Variants in GLIS3 observed in about 807,000 individuals in gnomAD.
GLIS3 encodes the protein GLIS family zinc finger 3.
A neutral mutation model predicts 78.6 loss-of-function variants in GLIS3; 53 were observed. That is an observed-to-expected ratio of 0.67 (90% confidence interval 0.54 to 0.85). The LOEUF (loss-of-function observed/expected upper bound fraction) is 0.85, where lower values mean the gene tolerates loss of function less well. Ranked by LOEUF, GLIS3 falls within the 40% of genes least tolerant of loss-of-function variation. The pLI is 0.00. For synonymous variants in GLIS3, 684 were observed against 509.9 expected (o/e 1.34, Z -4.60); for missense variants, 1,703 against 1,231.1 (o/e 1.38, Z -5.74).
intron 4 of GLIS3, among the ~76,000 whole-genome samples, chr9:4,025,458 G>A (rs1360663671): frequency 6.6e-6 from 1 of 151,888 alleles, no homozygotes; most frequent in Admixed American, 6.6e-5. Flanking sequence ...CGTGATCTTG[G>A]CTCACCGCAA....
At chr9:3,864,621 A>G (rs755651081) in intron 8 of GLIS3, among the ~76,000 whole-genome samples, 7 of 152,196 alleles carry the variant, frequency 4.6e-5, no homozygotes, top group Non-Finnish European at 7.4e-5. Flanking sequence ...TGGCCGGGTG[A>G]CGCTTCAGTC....
chr9:3,859,625 G>A (rs541352237), intron 8 of GLIS3, among the ~76,000 whole-genome samples: 9 of 152,186 alleles, frequency 5.9e-5, no homozygotes, highest in Admixed American at 2.0e-4. Flanking sequence ...CAGTTACAGC[G>A]TGTCCAAGAG....
chr9:4,352,923 G>A (rs144067574), upstream of GLIS3, among the ~76,000 whole-genome samples: 392 of 152,296 alleles, frequency 2.6e-3, no homozygotes, highest in Non-Finnish European at 4.1e-3. Flanking sequence ...TATACATTTA[G>A]TAGGTGTAAG....
chr9:4,273,757 A>G (rs1201005664), intron 2 of GLIS3, among the ~76,000 whole-genome samples: 3 of 152,204 alleles, frequency 2.0e-5, no homozygotes, highest in South Asian at 4.1e-4. Context: ...GTCAATCCAC[A>G]TAACTCGAAG....
chr9:4,035,041 A>C (rs1339542804), intron 4 of GLIS3: 1 of 152,184 alleles, frequency 6.6e-6, no homozygotes, highest in Non-Finnish European at 1.5e-5. Context: ...CTGATAGAAG[A>C]ACTGCAGATG....
intron 2 of GLIS3, among the ~76,000 whole-genome samples, chr9:4,244,811 G>A (rs193177627): frequency 8.5e-5 from 13 of 152,090 alleles, no homozygotes; most frequent in African/African-American, 3.1e-4. Context: ...CCTGGCCTTA[G>A]GTGATCCACC....
chr9:4,205,249 C>CCT (rs79332885), intron 2 of GLIS3, among the ~76,000 whole-genome samples: 2 of 151,102 alleles, frequency 1.3e-5, no homozygotes, highest in African/African-American at 2.4e-5. Flanking sequence ...TGCTCAAAAC[C>CCT]CTCTCTCTCT....
chr9:4,171,359 T>G (rs867330836), intron 2 of GLIS3, among the ~76,000 whole-genome samples: 1 of 152,180 alleles, frequency 6.6e-6, no homozygotes, highest in Non-Finnish European at 1.5e-5. Flanking sequence ...CCGTAGATAC[T>G]GCTTAGAGAG....
intron 4 of GLIS3, among the ~76,000 whole-genome samples, chr9:4,007,114 T>C (rs185850123): frequency 1.3e-5 from 2 of 152,262 alleles, no homozygotes; most frequent in East Asian, 1.9e-4. Flanking sequence ...AAAAGACTAA[T>C]AGGAGAGAAG....
intron 2 of GLIS3, among the ~76,000 whole-genome samples, chr9:4,174,044 A>C (rs1301629634): frequency 6.6e-6 from 1 of 152,166 alleles, no homozygotes; most frequent in Non-Finnish European, 1.5e-5. Context: ...CTCATGTTTC[A>C]ATATATTTAG....
the GLIS3 span, among the ~76,000 whole-genome samples, chr9:4,393,041 G>A: frequency 4.6e-5 from 7 of 152,096 alleles, no homozygotes; most frequent in Admixed American, 4.6e-4. Context: ...GAAAAAAAAT[G>A]ACTTGCATAA....
chr9:3,993,615 CACATATGCCT>C (rs1440939021), intron 4 of GLIS3, among the ~76,000 whole-genome samples: 1 of 152,092 alleles, frequency 6.6e-6, no homozygotes, highest in Non-Finnish European at 1.5e-5. Flanking sequence ...AATGAATGTC[CACATATGCCT>C]ACATATGCCA....
chr9:4,236,204 A>AAAAAAAAAAAAAAAAG (rs536737911), intron 2 of GLIS3, among the ~76,000 whole-genome samples: 41 of 86,374 alleles, frequency 4.7e-4, no homozygotes, highest in African/African-American at 6.9e-4. Context: ...AAAAAAAAAA[A>AAAAAAAAAAAAAAAAG]AAAGAAAGAA....
the GLIS3 span, among the ~76,000 whole-genome samples, chr9:4,423,713 G>C: frequency 6.6e-6 from 1 of 152,162 alleles, no homozygotes; most frequent in Non-Finnish European, 1.5e-5. Context: ...GCCATAAGGG[G>C]TACATGGAAT....
rs1478117338 is a variant in GLIS3 at position 4,125,795 on chromosome 9, T to C, written c.535A>G (p.Ser179Gly). The C allele has an allele frequency of 6.2e-7, 1 of 1,614,162 alleles. No individual in the cohort carries two copies. The change falls in exon 3 of 11, where the codon AGT becomes GGT. Residue 179 changes from serine to glycine, a missense_variant. By Grantham distance (56) the Ser-to-Gly change is moderately conservative (BLOSUM62 0). Transcript: ENST00000381971. ...SQVSTACNQI[S>G]PSLQRAMNAA... ...TTCATTGCCCTCTGTAAGCTAGGAC[T>C]GATCTGGTTGCATGCTGTAGAGACC...
intron 2 of GLIS3, among the ~76,000 whole-genome samples, chr9:4,333,962 T>C (rs1229599005): frequency 6.6e-6 from 1 of 152,194 alleles, no homozygotes; most frequent in African/African-American, 2.4e-5. Context: ...TCTGCTCTGA[T>C]GACCTCTGCA....
At chr9:4,350,844 TTC>T (rs1817961686), upstream of GLIS3, among the ~76,000 whole-genome samples, 1 of 152,210 alleles carries the variant, frequency 6.6e-6, no homozygotes, top group African/African-American at 2.4e-5. Flanking sequence ...TTCTTCCAGT[TTC>T]TGTCTCCTCA....
chr9:4,461,593 G>T, the GLIS3 span, among the ~76,000 whole-genome samples: 2 of 152,098 alleles, frequency 1.3e-5, no homozygotes, highest in Admixed American at 1.3e-4. Context: ...CCTTCCTCTG[G>T]GAGCTTGTTC....
At chr9:3,869,156 C>A (rs1820807480) in intron 8 of GLIS3, among the ~76,000 whole-genome samples, 1 of 152,104 alleles carries the variant, frequency 6.6e-6, no homozygotes, top group African/African-American at 2.4e-5. Context: ...CAACAGTAAA[C>A]AAATAAACCT....
Sources: gnomAD v4.1 joint callset for allele counts (sites outside exome capture counted in the v4.1 genomes callset) on GRCh38, gnomAD v4.1.1 for gene constraint, MANE v1.5 for transcripts, NCBI Gene and HGNC (gene_info 2026-07-23, HGNC 2026-07-21) for gene names.